FHIT: variants seen among roughly 807,000 people sequenced by gnomAD.
The protein encoded by FHIT is bis(5'-adenosyl)-triphosphatase.
A neutral mutation model predicts 17.9 loss-of-function variants in FHIT; 19 were observed. The observed-to-expected ratio is 1.06, with a 90% CI of 0.74 to 1.56. FHIT has a LOEUF of 1.56. Among genes scored for constraint, FHIT ranks in the 40% most tolerant of loss-of-function variants. The probability of loss-of-function intolerance (pLI) is 0.00; values close to 1 mark genes in which losing one functional copy is unlikely to be tolerated. For synonymous variants in FHIT, 81 were observed against 69.7 expected, an observed-to-expected ratio of 1.16 and a Z score of -0.81; for missense variants, 248 against 189.2, an observed-to-expected ratio of 1.31 and a Z score of -1.82.
rs550218055 is a variant in FHIT at position 60,040,401 on chromosome 3, C to G, written c.104-26249G>C. ...CCTGGTGATCCACCCACCTCGGCCT[C>G]CCAAAGTGCTGGGATTACAGGCATG... On this transcript the variant is annotated intron_variant, in intron 5 of 9. Transcript: ENST00000492590. Among the ~76,000 whole-genome samples the G allele has an allele frequency of 1.5e-4, 23 of 152,256 alleles. No individual in the cohort carries two copies. The South Asian group carries it at 4.8e-3, about 32-fold the overall frequency.
At chr3:60,515,717 A>T (rs2035128854) in intron 5 of FHIT, among the ~76,000 whole-genome samples, 1 of 152,222 alleles carries the variant, frequency 6.6e-6, no homozygotes, top group African/African-American at 2.4e-5. Flanking sequence ...AATGCTTCAT[A>T]TGGACGAGAG....
chr3:60,620,174 CAACAG>C (rs1252342962), intron 4 of FHIT, among the ~76,000 whole-genome samples: 1 of 152,052 alleles, frequency 6.6e-6, no homozygotes, highest in Non-Finnish European at 1.5e-5. Flanking sequence ...GGATGTGGGG[CAACAG>C]AACTCACATT....
chr3:60,761,373 A>T (rs1291714771), intron 4 of FHIT, among the ~76,000 whole-genome samples: 1 of 152,166 alleles, frequency 6.6e-6, no homozygotes, highest in Non-Finnish European at 1.5e-5. Flanking sequence ...ATAAAAAATT[A>T]TTTCTTTTTT....
chr3:60,142,536 T>C (rs149899635), intron 5 of FHIT, among the ~76,000 whole-genome samples: 377 of 152,298 alleles, frequency 2.5e-3, no homozygotes, highest in African/African-American at 8.4e-3. Flanking sequence ...TCTCAGTCTG[T>C]TGTCCAGGCT....
At chr3:60,077,982 A>G (rs545040426) in intron 5 of FHIT, among the ~76,000 whole-genome samples, 1 of 152,148 alleles carries the variant, frequency 6.6e-6, no homozygotes, top group Admixed American at 6.6e-5. Flanking sequence ...ACAAAATAAA[A>G]TTTATTTTTA....
chr3:60,875,848 T>C (rs1386950049), intron 3 of FHIT, among the ~76,000 whole-genome samples: 11 of 151,060 alleles, frequency 7.3e-5, no homozygotes, highest in African/African-American at 2.4e-4. Context: ...GACATAGAAT[T>C]GAGAAGACAG....
At chr3:60,074,111 T>A (rs1702902066) in intron 5 of FHIT, among the ~76,000 whole-genome samples, 1 of 151,962 alleles carries the variant, frequency 6.6e-6, no homozygotes, top group Non-Finnish European at 1.5e-5. Context: ...TCTTGGAGGG[T>A]GACAGACACA....
At chr3:60,141,611 A>T (rs1700042266) in intron 5 of FHIT, among the ~76,000 whole-genome samples, 1 of 152,170 alleles carries the variant, frequency 6.6e-6, no homozygotes, top group Admixed American at 6.5e-5. Flanking sequence ...GTCAACAAAT[A>T]TATTCACTGA....
intron 4 of FHIT, among the ~76,000 whole-genome samples, chr3:60,650,928 T>G (rs545530403): frequency 1.3e-5 from 2 of 152,306 alleles, no homozygotes; most frequent in South Asian, 4.1e-4. Flanking sequence ...AATGTTAGTA[T>G]AGTTCCTTCT....
chr3:60,342,190 C>A (rs1450299111), intron 5 of FHIT, among the ~76,000 whole-genome samples: 1 of 152,188 alleles, frequency 6.6e-6, no homozygotes, highest in Admixed American at 6.5e-5. Flanking sequence ...CCAGGACCCT[C>A]CTTTTATCTG....
At chr3:60,592,770 CAG>C (rs1293315127) in intron 4 of FHIT, among the ~76,000 whole-genome samples, 1 of 152,048 alleles carries the variant, frequency 6.6e-6, no homozygotes, top group African/African-American at 2.4e-5. Context: ...CCAGAAGAAA[CAG>C]AGCTGGATTA....
chr3:59,954,616 T>C (rs1322307000), intron 7 of FHIT, among the ~76,000 whole-genome samples: 1 of 152,146 alleles, frequency 6.6e-6, no homozygotes, highest in Non-Finnish European at 1.5e-5. Flanking sequence ...AGTAAATGCC[T>C]AGAAAGGAAT....
At chr3:60,424,039 A>C (rs946392755) in intron 5 of FHIT, among the ~76,000 whole-genome samples, 1 of 152,182 alleles carries the variant, frequency 6.6e-6, no homozygotes, top group Non-Finnish European at 1.5e-5. Context: ...AAACACTTAC[A>C]TGGAACCATT....
chr3:59,993,060 A>G (rs564187218), intron 7 of FHIT, among the ~76,000 whole-genome samples: 9 of 152,230 alleles, frequency 5.9e-5, no homozygotes, highest in South Asian at 2.1e-4. Context: ...TGCCTCTCCA[A>G]TATTTCACTT....
intron 5 of FHIT, among the ~76,000 whole-genome samples, chr3:60,035,549 T>G (rs1701180902): frequency 6.6e-6 from 1 of 152,168 alleles, no homozygotes; most frequent in African/African-American, 2.4e-5. Context: ...GGTCAAAATT[T>G]TATAGGGAGG....
At chr3:60,887,471 C>A (rs1462539311) in intron 3 of FHIT, among the ~76,000 whole-genome samples, 2 of 151,982 alleles carry the variant, frequency 1.3e-5, no homozygotes, top group Non-Finnish European at 1.5e-5. Flanking sequence ...ATGGTGAAAC[C>A]CCATCTCTAC....
intron 5 of FHIT, among the ~76,000 whole-genome samples, chr3:60,203,921 A>G (rs973654110): frequency 3.3e-5 from 5 of 152,150 alleles, no homozygotes; most frequent in Non-Finnish European, 7.3e-5. Context: ...ACAGAGTAGA[A>G]GGATGGTTAA....
intron 5 of FHIT, among the ~76,000 whole-genome samples, chr3:60,128,306 T>C (rs747229451): frequency 2.7e-4 from 41 of 152,134 alleles, no homozygotes; most frequent in Non-Finnish European, 5.1e-4. Context: ...ATTCTTGTGA[T>C]AGTAAGTTCT....
At position 59,836,939 on chromosome 3, in the gene FHIT, G is replaced by C. The variant is rs145936647; in HGVS notation, c.349-84618C>G. ...ACCTTCGCATGGTAAGATTTGACTTGTTATAGTGCTATTTCTAGTCCTAAA... is the reference window on the plus strand; with the variant it reads ...ACCTTCGCATGGTAAGATTTGACTTCTTATAGTGCTATTTCTAGTCCTAAA... On this transcript the variant is annotated intron_variant, in intron 8 of 9. Transcript: ENST00000492590. Among the ~76,000 whole-genome samples the C allele has an allele frequency of 1.7e-3, 253 of 152,264 alleles. 1 individual carries two copies. The highest frequency in any genetic ancestry group is 5.8e-3 in the African/African-American group (239 of 41,552).
Sources: allele counts gnomAD v4.1 joint callset (sites outside exome capture counted in the v4.1 genomes callset), GRCh38; gene constraint gnomAD v4.1.1; transcripts MANE v1.5; gene names NCBI Gene and HGNC (gene_info 2026-07-23, HGNC 2026-07-21).